The following GINM1 variants were observed in gnomAD, a reference collection of about 807,000 sequenced individuals.
GINM1 encodes glycosylated integral membrane protein 1.
Under a neutral mutation model 37.8 loss-of-function variants are expected in GINM1, and 29 were observed. The ratio of observed to expected loss-of-function variants is 0.77; its 90% CI spans 0.57 to 1.05. GINM1 has a LOEUF of 1.05. Ranked by LOEUF, GINM1 falls within the 50% of genes least tolerant of loss-of-function variation. The pLI is 0.00. For synonymous variants in GINM1, 143 were observed against 146.2 expected (o/e 0.98, Z 0.16); for missense variants, 377 against 397.9 (o/e 0.95, Z 0.45).
At chr6:149,585,413 T>C (rs1377923119) in intron 7 of GINM1, among the ~76,000 whole-genome samples, 2 of 152,128 alleles carry the variant, frequency 1.3e-5, no homozygotes, top group Admixed American at 6.6e-5. Flanking sequence ...AAATGTACAC[T>C]AGATAATCAT....
chr6:149,587,123 T>C (rs1778080469), intron 7 of GINM1, among the ~76,000 whole-genome samples: 1 of 152,160 alleles, frequency 6.6e-6, no homozygotes, highest in Non-Finnish European at 1.5e-5. Flanking sequence ...ATGTATAGCT[T>C]ACCTATTCTT....
intron 6 of GINM1, 59 bp downstream of exon 6, chr6:149,580,782 C>T (rs1157770627): frequency 2.0e-6 from 3 of 1,484,996 alleles, no homozygotes; most frequent in Non-Finnish European, 2.8e-6. Context: ...GAAAATCGAC[C>T]CTAGCATTTA....
intron 7 of GINM1, 105 bp downstream of exon 7, chr6:149,582,708 A>G (rs1276254723): frequency 1.8e-5 from 14 of 797,906 alleles, no homozygotes; most frequent in Non-Finnish European, 2.6e-5. Context: ...AAAGGGTAAG[A>G]CAAATGGGAG....
At chr6:149,568,001 C>T (rs1403180370) in intron 1 of GINM1, among the ~76,000 whole-genome samples, 1 of 152,198 alleles carries the variant, frequency 6.6e-6, no homozygotes, top group Non-Finnish European at 1.5e-5. Context: ...ATTTTGACTG[C>T]AGGCTTAAAA....
intron 7 of GINM1, among the ~76,000 whole-genome samples, chr6:149,589,782 A>C (rs896063033): frequency 5.3e-5 from 8 of 152,048 alleles, no homozygotes; most frequent in African/African-American, 1.9e-4. Flanking sequence ...CCAGTAGCAC[A>C]GTTTTAATTA....
chr6:149,576,209 T>A (rs764413799), intron 3 of GINM1: 1 of 151,226 alleles, frequency 6.6e-6, no homozygotes, highest in Non-Finnish European at 1.5e-5. Context: ...TTGGCAGGAG[T>A]CAGTTCCTTC....
chr6:149,580,726 A>T lies in GINM1; in HGVS notation c.717+3A>T. ...CAGAGCCGCCATCTTCATATAAGGT[A>T]AATCAAGTATTTGGTGTTATCATAA... is the stretch of plus-strand genomic sequence containing the variant. On this transcript the variant is annotated splice_donor_region_variant and intron_variant, in intron 6 of 7. Transcript: ENST00000367419. The T allele has an allele frequency of 2.5e-6, 4 of 1,613,330 alleles. No individual in the cohort carries two copies. Among genetic ancestry groups the T allele is most frequent in the Non-Finnish European group, 3.4e-6 (4 of 1,179,542 alleles).
intron 6 of GINM1, among the ~76,000 whole-genome samples, chr6:149,581,480 C>T (rs570874427): frequency 1.5e-4 from 23 of 152,210 alleles, no homozygotes; most frequent in Non-Finnish European, 2.6e-4. Context: ...TTTATTTCCC[C>T]GTACTCCCAC....
Position 149,566,382 on chromosome 6 carries a change from G to C in GINM1, c.-33G>C. On this transcript the variant is annotated 5_prime_UTR_variant, in exon 1 of 8. Coordinates refer to ENST00000367419, the MANE Select transcript of GINM1 (RefSeq NM_138785.5). The surrounding 1 kb of genome is among the most constrained non-coding windows in gnomAD (Gnocchi z 4.4). ...CGGGCCGGCTCCGCCCTCACCTCCC[G>C]GCCGCGGCTGCCCTCTGCCCGGGTT... 7.6e-7 allele frequency: 1 copy of C among 1,311,188 alleles called. No individual in the cohort carries two copies. Among genetic ancestry groups the C allele is most frequent in the South Asian group, 1.3e-5 (1 of 76,404 alleles). 81.2% of individuals were successfully genotyped at this position (1,311,188 alleles called of 1,614,324 possible).
chr6:149,591,044 C>T lies in GINM1; in HGVS notation c.*206C>T. On this transcript the variant is annotated 3_prime_UTR_variant, in exon 8 of 8. Transcript: ENST00000367419. ...GTGCAGTGGCTCATGCCTGTAATCC[C>T]AGGACTTTGGGAGGCCAATGCGGGC... 1 of 467,330 alleles carries T rather than the reference C, an allele frequency of 2.1e-6. No individual in the cohort carries two copies. Among genetic ancestry groups the T allele is most frequent in the South Asian group, 2.8e-5 (1 of 35,284 alleles). 28.9% of individuals were successfully genotyped at this position (467,330 alleles called of 1,614,324 possible). A position where few individuals can be genotyped will look rare whatever the true frequency, so the allele number is the denominator to read the frequency against.
intron 3 of GINM1, among the ~76,000 whole-genome samples, chr6:149,573,921 A>T (rs1167158394): frequency 1.3e-5 from 2 of 151,812 alleles, no homozygotes; most frequent in Non-Finnish European, 2.9e-5. Context: ...TTCTACCCTT[A>T]TGTCAGTAGA....
chr6:149,588,345 C>G (rs575265055), intron 7 of GINM1, among the ~76,000 whole-genome samples: 11 of 152,178 alleles, frequency 7.2e-5, no homozygotes, highest in Non-Finnish European at 1.3e-4. Flanking sequence ...GACTTGCTTA[C>G]GTAGAGCCTC....
At chr6:149,574,687 C>A (rs952510325) in intron 3 of GINM1, among the ~76,000 whole-genome samples, 1 of 151,964 alleles carries the variant, frequency 6.6e-6, no homozygotes, top group Non-Finnish European at 1.5e-5. Flanking sequence ...TCTGGGAGTT[C>A]GAGACCAGCC....
chr6:149,591,006 T>C lies in GINM1; in HGVS notation c.*168T>C. 1.8e-6 allele frequency: 1 copy of C among 542,228 alleles called. No individual in the cohort carries two copies. The highest frequency in any genetic ancestry group is 3.2e-6 in the Non-Finnish European group (1 of 308,244). 33.6% of individuals were successfully genotyped at this position (542,228 alleles called of 1,614,324 possible). On this transcript the variant is annotated 3_prime_UTR_variant, in exon 8 of 8. Transcript: ENST00000367419. Reference sequence around the variant, plus strand: ...TACAGTGCCAAGTTAAAGTTTACCTTATTCTCGGCCGGGTGCAGTGGCTCA... The same window carrying C: ...TACAGTGCCAAGTTAAAGTTTACCTCATTCTCGGCCGGGTGCAGTGGCTCA...
At chr6:149,574,172 T>TC (rs1777875815) in intron 3 of GINM1, among the ~76,000 whole-genome samples, 1 of 151,272 alleles carries the variant, frequency 6.6e-6, no homozygotes, top group East Asian at 1.9e-4. Context: ...TGCCTCAGCC[T>TC]CCCGAGTAGC....
At chr6:149,569,380 A>C (rs1467521595) in intron 1 of GINM1, among the ~76,000 whole-genome samples, 2 of 122,636 alleles carry the variant, frequency 1.6e-5, no homozygotes, top group African/African-American at 6.2e-5. Flanking sequence ...TCTGTCCCCC[A>C]TCCTGCACAG....
At chr6:149,580,543 G>C in intron 5 of GINM1, 50 bp from the exon 6 acceptor site, 1 of 1,551,592 alleles carries the variant, frequency 6.4e-7, no homozygotes, top group East Asian at 2.3e-5. Flanking sequence ...CTTAGGACTA[G>C]TAGGATAAGA....
chr6:149,588,397 A>T (rs1778104963), intron 7 of GINM1, among the ~76,000 whole-genome samples: 1 of 152,184 alleles, frequency 6.6e-6, no homozygotes, highest in African/African-American at 2.4e-5. Context: ...AACTATTAGT[A>T]TATAAGAGCT....
rs1562269842 is a variant in GINM1, at chr6:149,570,194, AT to A, written c.121-2090del. On this transcript the variant is annotated intron_variant, in intron 1 of 7. Transcript: ENST00000367419. Reference sequence around the variant, plus strand: ...TATATATATATATATATATATATATATATAAAGTTCAGTAACTTGCTAACAA... The same window carrying A: ...TATATATATATATATATATATATATAATAAAGTTCAGTAACTTGCTAACAA... Among the ~76,000 whole-genome samples the A allele has an allele frequency of 3.4e-4, 33 of 97,832 alleles. 1 individual carries two copies. The highest frequency in any genetic ancestry group is 5.5e-4 in the Non-Finnish European group (27 of 48,902). The allele number at this position is 97,832 out of a possible 152,430, so 64.2% of individuals were successfully genotyped here.
Sources: allele counts gnomAD v4.1 joint callset (sites outside exome capture counted in the v4.1 genomes callset), GRCh38; gene constraint gnomAD v4.1.1; non-coding constraint Gnocchi (gnomAD v3.1); transcripts MANE v1.5; gene names NCBI Gene and HGNC (gene_info 2026-07-23, HGNC 2026-07-21).